Variants in CBX5 observed in about 807,000 individuals in gnomAD.
The protein encoded by CBX5 is chromobox 5.
A neutral mutation model predicts 20.7 loss-of-function variants in CBX5; 7 were observed. The observed-to-expected ratio is 0.34, with a 90% CI of 0.19 to 0.63. The LOEUF is 0.63. CBX5 is among the 30% of genes least tolerant of loss of function. The probability of loss-of-function intolerance (pLI) is 0.75; values close to 1 mark genes in which losing one functional copy is unlikely to be tolerated. For missense variants in CBX5, 110 were observed against 224.1 expected (o/e 0.49, Z 3.25); for synonymous variants, 78 against 77.0 (o/e 1.01, Z -0.07).
rs1943733267 is a variant in CBX5, at chr12:54,246,159, A to G, written c.381T>C (p.Ile127=). The part of the protein sequence containing the change: ...FERGLEPEKI[I]GATDSCGDLM... ...AATCACCACAGGAATCTGTTGCCCC[A>G]ATGATCTTTTCTGGTTCCAGTCCTC... is the stretch of plus-strand genomic sequence containing the variant. Residue 127 remains isoleucine, a synonymous_variant, in exon 4 of 5, where the codon ATT becomes ATC. Coordinates refer to ENST00000209875, the MANE Select transcript of CBX5 (RefSeq NM_012117.3). 3 of 1,613,836 alleles carry G rather than the reference A, an allele frequency of 1.9e-6. No homozygotes were observed. Among genetic ancestry groups the G allele is most frequent in the Non-Finnish European group, 2.5e-6 (3 of 1,179,770 alleles).
intron 3 of CBX5, among the ~76,000 whole-genome samples, chr12:54,251,466 C>A (rs1233717479): frequency 6.9e-6 from 1 of 144,496 alleles, no homozygotes; most frequent in Non-Finnish European, 1.5e-5. Context: ...TTGCAGTGAG[C>A]CAAGATAGTG....
intron 1 of CBX5, among the ~76,000 whole-genome samples, chr12:54,264,583 C>T (rs1231843560): frequency 3.3e-5 from 5 of 152,246 alleles, no homozygotes; most frequent in African/African-American, 9.6e-5. Context: ...TGGCTCATGC[C>T]TGTAATCCCA....
Position 54,241,902 on chromosome 12 carries a change from T to C in CBX5, c.429A>G (p.Lys143=), listed in dbSNP as rs1445495535. ...GAACCAGGTCAGCTTCATCTGTGTC[T>C]TTCCTGGAGAGAAAGAATATGAGAC... ...CGDLMFLMKW[K]DTDEADLVLA... is the part of the protein sequence containing the mutation. The change falls in exon 5 of 5, where the codon AAA becomes AAG. Residue 143 remains lysine, a synonymous_variant. Transcript: ENST00000209875. 1.2e-6 allele frequency: 2 copies of C among 1,612,444 alleles called. No individual in the cohort carries two copies. The highest frequency in any genetic ancestry group is 1.7e-6 in the Non-Finnish European group (2 of 1,179,732).
At chr12:54,255,322 G>A (rs1183427278) in intron 2 of CBX5, among the ~76,000 whole-genome samples, 1 of 152,128 alleles carries the variant, frequency 6.6e-6, no homozygotes, top group Non-Finnish European at 1.5e-5. Flanking sequence ...CACTTTGGGA[G>A]GCTGAGGTGG....
intron 1 of CBX5, among the ~76,000 whole-genome samples, chr12:54,268,078 A>T (rs1943974335): frequency 1.3e-5 from 2 of 152,158 alleles, no homozygotes; most frequent in African/African-American, 2.4e-5. Context: ...CGGGAGACGG[A>T]GGTTACAGTG....
rs1256323610 is a variant in CBX5, at chr12:54,278,148, G to T, written c.-43+1860C>A. 2.6e-5 allele frequency among the ~76,000 whole-genome samples: 4 copies of T among 152,310 alleles called. No homozygotes were observed. In the East Asian group the frequency reaches 7.7e-4, roughly 29 times the overall value. On this transcript the variant is annotated intron_variant, in intron 1 of 4. Transcript: ENST00000209875. The stretch of plus-strand genomic sequence containing the variant: ...TGTGGCGAGTGATGCGATGTTACTG[G>T]CATACAGTGGGTAGAGGCCAGGAAT...
chr12:54,266,640 C>T (rs913698340), intron 1 of CBX5, among the ~76,000 whole-genome samples: 1 of 152,050 alleles, frequency 6.6e-6, no homozygotes, highest in Non-Finnish European at 1.5e-5. Flanking sequence ...TGTATGTCCC[C>T]CAGGCTCTGA....
chr12:54,273,937 A>C (rs535841352), intron 1 of CBX5: 30 of 152,226 alleles, frequency 2.0e-4, no homozygotes, highest in Non-Finnish European at 3.8e-4. Context: ...TCCAAAAAGA[A>C]TTGTGTTTCA....
Position 54,246,207 on chromosome 12 carries a change from A to G in CBX5, c.333T>C (p.Asn111=). 6.2e-7 allele frequency: 1 copy of G among 1,610,608 alleles called. No homozygotes were observed. The highest frequency in any genetic ancestry group is 8.5e-7 in the Non-Finnish European group (1 of 1,176,900). ...CTCTCTCAAAGCCCCGAGCGATATC[A>G]TTGCTCTGCTATAAATAGAAGATAA... ...IKSKKKREQS[N]DIARGFERGL... Residue 111 remains asparagine (N), a synonymous_variant, in exon 4 of 5, where the codon AAT becomes AAC. Coordinates refer to ENST00000209875, the MANE Select transcript of CBX5 (RefSeq NM_012117.3).
chr12:54,232,185 C>A lies in CBX5; in HGVS notation c.*9570G>T, dbSNP rs1218060606. The A allele has an allele frequency of 3.9e-5, 6 of 152,120 alleles. No homozygotes were observed. The highest frequency in any genetic ancestry group is 1.2e-4 in the African/African-American group (5 of 41,432). 9.4% of individuals were successfully genotyped at this position (152,120 alleles called of 1,614,324 possible). On this transcript the variant is annotated 3_prime_UTR_variant, in exon 5 of 5. Transcript: ENST00000209875. ...GACACAGAAAATCCCAAGTGCCTTC[C>A]CCAACAACATCCTAAGTAAGTCTGG...
intron 1 of CBX5, among the ~76,000 whole-genome samples, chr12:54,269,696 C>T (rs1432660963): frequency 3.9e-5 from 6 of 152,088 alleles, no homozygotes; most frequent in Admixed American, 6.6e-5. Context: ...CTGGGCCTGG[C>T]GTTTTCTTTG....
Position 54,256,389 on chromosome 12 carries a change from T to A in CBX5, c.137+1125A>T, listed in dbSNP as rs116773787. On this transcript the variant is annotated intron_variant, in intron 2 of 4. Transcript: ENST00000209875. ...TGCTAAGCATCCTGCAATGCATGAA[T>A]GATCCCACCTACAACGCCAATAATT... Among the ~76,000 whole-genome samples the A allele has an allele frequency of 7.2e-3, 1,101 of 152,324 alleles. 8 individuals are homozygous for A. The highest frequency in any genetic ancestry group is 0.025 in the African/African-American group (1,025 of 41,574).
intron 1 of CBX5, among the ~76,000 whole-genome samples, chr12:54,263,680 G>A (rs1592161873): frequency 6.9e-6 from 1 of 144,914 alleles, no homozygotes; most frequent in East Asian, 2.1e-4. Flanking sequence ...CAGGAGAATC[G>A]CTTAAACGGG....
chr12:54,262,470 G>C (rs1420984919), intron 1 of CBX5: 1 of 153,068 alleles, frequency 6.5e-6, no homozygotes, highest in Non-Finnish European at 1.5e-5. Flanking sequence ...CCAGGAGTCA[G>C]AGTACAACCA....
chr12:54,253,990 A>T (rs1456247876), intron 2 of CBX5, among the ~76,000 whole-genome samples: 1 of 152,058 alleles, frequency 6.6e-6, no homozygotes, highest in South Asian at 2.1e-4. Flanking sequence ...ACCTCAAGTG[A>T]TCCGCCTGCT....
chr12:54,269,883 G>T (rs1333523493), intron 1 of CBX5, among the ~76,000 whole-genome samples: 1 of 152,094 alleles, frequency 6.6e-6, no homozygotes, highest in Non-Finnish European at 1.5e-5. Flanking sequence ...CCCACCCAAG[G>T]TTCTGTATTT....
At chr12:54,276,583 G>A (rs1944070353) in intron 1 of CBX5, 1 of 152,194 alleles carries the variant, frequency 6.6e-6, no homozygotes, top group Non-Finnish European at 1.5e-5. Flanking sequence ...AAGTGGCTGG[G>A]GCTGGAGATG....
chr12:54,240,313 A>C lies in CBX5; in HGVS notation c.*1442T>G, dbSNP rs1168394935. ...AAACGAAGTATTTTGCTGAGTAAGAAGAAAAGGGTGTGTCAACATGCTAAT... is the reference window on the plus strand; with the variant it reads ...AAACGAAGTATTTTGCTGAGTAAGACGAAAAGGGTGTGTCAACATGCTAAT... On this transcript the variant is annotated 3_prime_UTR_variant, in exon 5 of 5. Transcript: ENST00000209875. 2 of 152,258 alleles carry C rather than the reference A, an allele frequency of 1.3e-5. No individual in the cohort carries two copies. Among genetic ancestry groups the C allele is most frequent in the East Asian group, 1.9e-4 (1 of 5,206 alleles). 9.4% of individuals were successfully genotyped at this position (152,258 alleles called of 1,614,324 possible).
In CBX5 at chr12:54,233,489, C is replaced by T. The variant is rs1186031560; in HGVS notation, c.*8266G>A. On this transcript the variant is annotated 3_prime_UTR_variant, in exon 5 of 5. Transcript: ENST00000209875. ...GACTTGAGCCTTAAGAGTGTTGTGA[C>T]ATGATTAAACTGTCTTTTCAGGTGT... 2 of 152,182 alleles carry T rather than the reference C, an allele frequency of 1.3e-5. No homozygotes were observed. Among genetic ancestry groups the T allele is most frequent in the Non-Finnish European group, 2.9e-5 (2 of 68,038 alleles). 9.4% of individuals were successfully genotyped at this position (152,182 alleles called of 1,614,324 possible).
Sources: gnomAD v4.1 joint callset for allele counts (sites outside exome capture counted in the v4.1 genomes callset) on GRCh38, gnomAD v4.1.1 for gene constraint, MANE v1.5 for transcripts, NCBI Gene and HGNC (gene_info 2026-07-23, HGNC 2026-07-21) for gene names.